Variants in MAN2A1 observed in about 807,000 individuals in gnomAD.
The protein encoded by MAN2A1 is alpha-mannosidase 2.
A neutral mutation model predicts 142.6 loss-of-function variants in MAN2A1; 76 were observed. The observed-to-expected ratio is 0.53, with a 90% CI of 0.44 to 0.65. The LOEUF is 0.65. Among genes scored for constraint, MAN2A1 ranks in the 30% least tolerant of loss-of-function variants. The pLI is 0.00. For missense variants in MAN2A1, 1,311 were observed against 1,365.1 expected (o/e 0.96, Z 0.62); for synonymous variants, 559 against 473.2 (o/e 1.18, Z -2.35).
At chr5:109,793,048 C>T (rs1753774195) in intron 12 of MAN2A1, among the ~76,000 whole-genome samples, 1 of 152,026 alleles carries the variant, frequency 6.6e-6, no homozygotes, top group African/African-American at 2.4e-5. Context: ...GGGAATTACT[C>T]TCCATTTCCT....
intron 4 of MAN2A1, among the ~76,000 whole-genome samples, chr5:109,749,567 A>G (rs1752493255): frequency 6.6e-6 from 1 of 152,084 alleles, no homozygotes; most frequent in South Asian, 2.1e-4. Flanking sequence ...AGATAAACAT[A>G]TACCTTTGTT....
chr5:109,778,732 T>C (rs2112662495), intron 8 of MAN2A1, among the ~76,000 whole-genome samples: 1 of 152,276 alleles, frequency 6.6e-6, no homozygotes, highest in Non-Finnish European at 1.5e-5. Context: ...TTTAGTTCTT[T>C]AATGTCTTCA....
intron 17 of MAN2A1, among the ~76,000 whole-genome samples, chr5:109,843,573 C>G (rs1328670842): frequency 6.6e-6 from 1 of 152,178 alleles, no homozygotes; most frequent in Non-Finnish European, 1.5e-5. Flanking sequence ...CAGGAAAACT[C>G]TTCCTCTATA....
intron 1 of MAN2A1, among the ~76,000 whole-genome samples, chr5:109,709,354 A>G (rs1171230427): frequency 6.6e-6 from 1 of 152,196 alleles, no homozygotes; most frequent in Non-Finnish European, 1.5e-5. Flanking sequence ...ATTGAGCAAT[A>G]TTGAGAGGGT....
chr5:109,838,643 T>G (rs1305304158), intron 16 of MAN2A1, among the ~76,000 whole-genome samples: 3 of 152,146 alleles, frequency 2.0e-5, no homozygotes, highest in Non-Finnish European at 4.4e-5. Context: ...AATAATAAAT[T>G]ATCATTGAGA....
At chr5:109,810,637 T>C (rs1200773041) in intron 12 of MAN2A1, among the ~76,000 whole-genome samples, 2 of 152,216 alleles carry the variant, frequency 1.3e-5, no homozygotes, top group Non-Finnish European at 2.9e-5. Flanking sequence ...CAGTGATTTC[T>C]TCCAGACTTT....
At chr5:109,834,010 C>T (rs1754998215) in intron 16 of MAN2A1, among the ~76,000 whole-genome samples, 1 of 152,028 alleles carries the variant, frequency 6.6e-6, no homozygotes, top group African/African-American at 2.4e-5. Context: ...TATGCTGCTG[C>T]TTGTTTTATT....
At chr5:109,853,324 C>T (rs1260040005) in intron 19 of MAN2A1, among the ~76,000 whole-genome samples, 1 of 152,058 alleles carries the variant, frequency 6.6e-6, no homozygotes, top group African/African-American at 2.4e-5. Flanking sequence ...TTTTCAGGAC[C>T]CCACCTCTCA....
intron 4 of MAN2A1, among the ~76,000 whole-genome samples, 165 bp from the exon 5 acceptor site, chr5:109,755,164 G>A (rs972085954): frequency 3.9e-5 from 6 of 152,142 alleles, no homozygotes; most frequent in African/African-American, 1.4e-4. Flanking sequence ...GCTATCATGA[G>A]GTCTTGAAGT....
rs552206912 is a variant in MAN2A1, at chr5:109,869,091, G to A, written c.*2093G>A. Reference sequence around the variant, plus strand: ...AATTCTCTTTAACCAGCAAGTTTCTGCTTTTTAAGGTTACTTTTAGAATAA... The same window carrying A: ...AATTCTCTTTAACCAGCAAGTTTCTACTTTTTAAGGTTACTTTTAGAATAA... On this transcript the variant is annotated 3_prime_UTR_variant, in exon 22 of 22. Transcript: ENST00000261483. 4 of 152,306 alleles carry A rather than the reference G, an allele frequency of 2.6e-5. No homozygotes were observed. The East Asian group carries it at 5.8e-4, about 22-fold the overall frequency. 9.4% of individuals were successfully genotyped at this position (152,306 alleles called of 1,614,324 possible).
chr5:109,849,524 C>G (rs1054400863), intron 19 of MAN2A1, among the ~76,000 whole-genome samples: 1 of 152,160 alleles, frequency 6.6e-6, no homozygotes, highest in East Asian at 1.9e-4. Context: ...AGCCTTTTCT[C>G]ACAGAGTAAT....
intron 8 of MAN2A1, 58 bp from the exon 9 acceptor site, chr5:109,781,338 A>G: frequency 1.0e-6 from 1 of 974,948 alleles, no homozygotes; most frequent in Non-Finnish European, 1.5e-6. Context: ...CTAACAGTGT[A>G]AGAAGTAAAT....
At chr5:109,841,405 C>T (rs1006116267) in intron 16 of MAN2A1, among the ~76,000 whole-genome samples, 12 of 152,296 alleles carry the variant, frequency 7.9e-5, no homozygotes, top group Admixed American at 7.8e-4. Flanking sequence ...GTTTGGTTTT[C>T]CATTCCTGAG....
chr5:109,733,302 C>T (rs1253584609), intron 4 of MAN2A1, among the ~76,000 whole-genome samples: 7 of 152,222 alleles, frequency 4.6e-5, no homozygotes, highest in Admixed American at 1.3e-4. Context: ...ATCATGTCGT[C>T]TGCAAACAGG....
intron 2 of MAN2A1, among the ~76,000 whole-genome samples, chr5:109,715,541 A>T (rs1751429227): frequency 6.6e-6 from 1 of 152,086 alleles, no homozygotes. Context: ...TCTCAATTTT[A>T]AAATTTTTCT....
intron 4 of MAN2A1, among the ~76,000 whole-genome samples, chr5:109,731,616 G>GT (rs1377858867): frequency 2.7e-5 from 4 of 147,862 alleles, no homozygotes; most frequent in South Asian, 2.2e-4. Context: ...GTGGTGTTTG[G>GT]TTTTTTGTCC....
chr5:109,848,449 T>A (rs943775839), intron 19 of MAN2A1, among the ~76,000 whole-genome samples: 6 of 152,212 alleles, frequency 3.9e-5, no homozygotes, highest in Non-Finnish European at 1.5e-5. Context: ...TTTCTGCACC[T>A]GACCATTGCA....
At position 109,690,196 on chromosome 5, in the gene MAN2A1, GCCCGACCCC is replaced by G. The variant is rs763737885; in HGVS notation, c.-221_-213del. The G allele has an allele frequency of 1.4e-3, 703 of 513,582 alleles. 1 individual carries two copies. Among genetic ancestry groups the G allele is most frequent in the Middle Eastern group, 4.3e-3 (8 of 1,864 alleles). The allele number at this position is 513,582 out of a possible 1,614,324, so 31.8% of individuals were successfully genotyped here. A position where few individuals can be genotyped will look rare whatever the true frequency, so the allele number is the denominator to read the frequency against. On this transcript the variant is annotated 5_prime_UTR_variant, in exon 1 of 22. Coordinates refer to ENST00000261483, the MANE Select transcript of MAN2A1 (RefSeq NM_002372.4). ...CGGCGAGTCTCGCCTCGAGAGGGGC[GCCCGACCCC>G]GGGGAGGGCGGCAGGCCAGGGCGAA... is the stretch of plus-strand genomic sequence containing the variant.
chr5:109,781,470 A>C lies in MAN2A1; in HGVS notation c.1449A>C (p.Gln483His), dbSNP rs13189822. The change falls in exon 9 of 22, where the codon CAA (glutamine) becomes CAC (histidine). Residue 483 changes from glutamine (Q) to histidine (H), a missense_variant. Coordinates refer to ENST00000261483, the MANE Select transcript of MAN2A1 (RefSeq NM_002372.4). The stretch of plus-strand genomic sequence containing the variant: ...ATGAAACTCAGAGAGACAAGGGCCA[A>C]TCGATGTTCCCTGTTTTAAGTGGAG... ...KADETQRDKG[Q>H]SMFPVLSGDF... The C allele has an allele frequency of 1.2e-6, 2 of 1,613,092 alleles. No homozygotes were observed. The highest frequency in any genetic ancestry group is 8.5e-7 in the Non-Finnish European group (1 of 1,179,634).
Sources: gnomAD v4.1 joint callset for allele counts (sites outside exome capture counted in the v4.1 genomes callset) on GRCh38, gnomAD v4.1.1 for gene constraint, MANE v1.5 for transcripts, NCBI Gene and HGNC (gene_info 2026-07-23, HGNC 2026-07-21) for gene names.